POLQ: variants seen among roughly 807,000 people sequenced by gnomAD.
POLQ encodes the protein DNA polymerase theta.
POLQ carries 233 observed loss-of-function variants against 259.2 expected under a neutral mutation model. That is an observed-to-expected ratio of 0.90 (90% CI 0.81 to 1.00). The LOEUF (loss-of-function observed/expected upper bound fraction) is 1.00, where lower values mean the gene tolerates loss of function less well. POLQ is among the 50% of genes least tolerant of loss of function. The pLI is 0.00. For missense variants in POLQ, 2,871 were observed against 3,051.6 expected (o/e 0.94, Z 1.39); for synonymous variants, 1,025 against 1,048.8 (o/e 0.98, Z 0.44).
Position 121,532,893 on chromosome 3 carries a change from C to T in POLQ, c.960+97G>A, listed in dbSNP as rs910835000. 1.8e-5 allele frequency: 14 copies of T among 783,560 alleles called. No homozygotes were observed. The Admixed American group carries it at 3.3e-4, about 18-fold the overall frequency. The allele number at this position is 783,560 out of a possible 1,614,324, so 48.5% of individuals were successfully genotyped here. ...AATATTAATCCTAATGTATATGTAACTCCCAATTACATCATTCAGAATTTG... is the reference window on the plus strand; with the variant it reads ...AATATTAATCCTAATGTATATGTAATTCCCAATTACATCATTCAGAATTTG... On this transcript the variant is annotated intron_variant, in intron 6 of 29. Coordinates refer to ENST00000264233, the MANE Select transcript of POLQ (RefSeq NM_199420.4).
At position 121,511,907 on chromosome 3, in the gene POLQ, T is replaced by C. The variant is rs1364521395; in HGVS notation, c.1591A>G (p.Met531Val). Reference protein sequence around the residue: ...RREGEEVTGSMIRAILEIIVG... With the variant: ...RREGEEVTGSVIRAILEIIVG... Reference sequence around the variant, plus strand: ...CTTACCTCCAGAATAGCTCGTATCATGCTGCCAGTTACTTCTTCTCCTTCT... The same window carrying C: ...CTTACCTCCAGAATAGCTCGTATCACGCTGCCAGTTACTTCTTCTCCTTCT... Residue 531 changes from methionine to valine, a missense_variant, in exon 10 of 30, where the codon ATG (methionine) becomes GTG (valine). Met to Val is a conservative substitution (Grantham distance 21, BLOSUM62 1). Around this residue, in one of 3 missense-constraint regions of POLQ, gnomAD observed 783 missense variants for 906.2 expected, o/e 0.86. Coordinates refer to ENST00000264233, the MANE Select transcript of POLQ (RefSeq NM_199420.4). 3.1e-6 allele frequency: 5 copies of C among 1,613,776 alleles called. No individual in the cohort carries two copies. Among genetic ancestry groups the C allele is most frequent in the African/African-American group, 2.7e-5 (2 of 74,940 alleles).
chr3:121,468,278 A>C, intron 23 of POLQ, 27 bp downstream of exon 23: 1 of 1,578,758 alleles, frequency 6.3e-7, no homozygotes, highest in East Asian at 2.2e-5. Context: ...AAGTTTATTA[A>C]TACAGATACA....
chr3:121,530,679 T>A (rs182593513), intron 6 of POLQ, among the ~76,000 whole-genome samples: 5 of 152,304 alleles, frequency 3.3e-5, no homozygotes, highest in Admixed American at 3.3e-4. Context: ...GTGAATCCAC[T>A]GTGGTGGCCC....
chr3:121,529,882 G>A, intron 6 of POLQ, 90 bp from the exon 7 acceptor site: 1 of 942,842 alleles, frequency 1.1e-6, no homozygotes, highest in Non-Finnish European at 1.5e-6. Context: ...TTCTGGGGAA[G>A]CTTTTTCTTC....
intron 12 of POLQ, 71 bp from the exon 13 acceptor site, chr3:121,498,741 T>C: frequency 2.8e-6 from 3 of 1,056,084 alleles, no homozygotes; most frequent in Non-Finnish European, 4.1e-6. Flanking sequence ...ACAACCTTCA[T>C]ATTAAAGACA....
chr3:121,449,473 G>A (rs779269848), intron 25 of POLQ, 47 bp from the exon 26 acceptor site: 3 of 1,031,560 alleles, frequency 2.9e-6, no homozygotes. Flanking sequence ...TACATAAAAT[G>A]CAAATAAAAG....
At chr3:121,432,461 A>C (rs1411203969) in intron 29 of POLQ, 44 bp from the exon 30 acceptor site, 2 of 1,583,406 alleles carry the variant, frequency 1.3e-6, no homozygotes, top group African/African-American at 2.7e-5. Context: ...CCAGTCAAAG[A>C]ATGTTTCCCA....
chr3:121,490,989 T>G (rs1487212305), intron 15 of POLQ, among the ~76,000 whole-genome samples: 3 of 151,868 alleles, frequency 2.0e-5, no homozygotes, highest in African/African-American at 7.3e-5. Context: ...CAGGAGGCGT[T>G]ACAGTGAGAC....
chr3:121,508,772 C>T (rs2048230107), intron 12 of POLQ, among the ~76,000 whole-genome samples: 1 of 152,194 alleles, frequency 6.6e-6, no homozygotes, highest in African/African-American at 2.4e-5. Context: ...AAGCCCCCTT[C>T]ATTCTAATGA....
chr3:121,474,592 G>T (rs1292499392), intron 20 of POLQ, among the ~76,000 whole-genome samples: 1 of 152,168 alleles, frequency 6.6e-6, no homozygotes, highest in Non-Finnish European at 1.5e-5. Context: ...CACAAGTTGA[G>T]CCAGGGGTGG....
chr3:121,533,385 A>G (rs926298420), intron 5 of POLQ, among the ~76,000 whole-genome samples, 176 bp from the exon 6 acceptor site: 25 of 152,224 alleles, frequency 1.6e-4, no homozygotes, highest in Admixed American at 9.8e-4. Flanking sequence ...AAGATCTTCA[A>G]TTTTAGTAGA....
rs1288320990 is a variant in POLQ at position 121,529,761 on chromosome 3, T to C, written c.992A>G (p.Tyr331Cys). ...TGAATGGTTATCACAAATCGTCTCATAACATAAACTAACAACATGGTCCTC... is the reference window on the plus strand; with the variant it reads ...TGAATGGTTATCACAAATCGTCTCACAACATAAACTAACAACATGGTCCTC... ...GDEDHVVSLC[Y>C]ETICDNHSVL... Residue 331 changes from tyrosine (Y) to cysteine (C), a missense_variant, in exon 7 of 30, where the codon TAT becomes TGT. Coordinates refer to ENST00000264233, the MANE Select transcript of POLQ (RefSeq NM_199420.4). 6.2e-7 allele frequency: 1 copy of C among 1,611,860 alleles called. No individual in the cohort carries two copies. Among genetic ancestry groups the C allele is most frequent in the South Asian group, 1.1e-5 (1 of 90,880 alleles).
chr3:121,483,394 C>A lies in POLQ; in HGVS notation c.5962G>T (p.Asp1988Tyr). The change falls in exon 18 of 30, where the codon GAT (aspartate) becomes TAT (tyrosine). Residue 1988 changes from aspartate to tyrosine, a missense_variant. Physicochemically the swap from Asp to Tyr is radical, Grantham distance 160. Coordinates refer to ENST00000264233, the MANE Select transcript of POLQ (RefSeq NM_199420.4). ...CGISLEQSYE[D>Y]PKVACWLLDP... The stretch of plus-strand genomic sequence containing the variant: ...TAAATTAGACATAGAACCTTAGGAT[C>A]TTCATAACTTTGCTCCAAGGAGATG... 1 of 1,545,480 alleles carries A rather than the reference C, an allele frequency of 6.5e-7. No individual in the cohort carries two copies. The highest frequency in any genetic ancestry group is 2.3e-5 in the East Asian group (1 of 43,410).
At chr3:121,459,369 A>ATT (rs58859161) in intron 25 of POLQ, among the ~76,000 whole-genome samples, 17,607 of 104,528 alleles carry the variant, frequency 0.17, 2,159 homozygotes, top group Middle Eastern at 0.29. Context: ...GACTAGAAAG[A>ATT]TTTTTTTTTT....
chr3:121,484,983 T>G, intron 17 of POLQ, 58 bp downstream of exon 17: 1 of 1,226,312 alleles, frequency 8.2e-7, no homozygotes, highest in East Asian at 2.5e-5. Flanking sequence ...ATAAGATCAC[T>G]ACCCTAATGG....
At chr3:121,499,160 T>C (rs2048147212) in intron 12 of POLQ, among the ~76,000 whole-genome samples, 1 of 152,118 alleles carries the variant, frequency 6.6e-6, no homozygotes, top group South Asian at 2.1e-4. Flanking sequence ...CTAACTGTGA[T>C]AATACCTCAT....
chr3:121,458,152 G>A (rs34087026), intron 25 of POLQ, among the ~76,000 whole-genome samples: 195 of 151,986 alleles, frequency 1.3e-3, no homozygotes, highest in Non-Finnish European at 1.9e-3. Flanking sequence ...ACCAAACACC[G>A]CATGTTCTCA....
chr3:121,540,263 T>C (rs1435193632), intron 3 of POLQ, among the ~76,000 whole-genome samples: 1 of 152,120 alleles, frequency 6.6e-6, no homozygotes, highest in Non-Finnish European at 1.5e-5. Context: ...TTTTCCTGAG[T>C]GTTTACTAAG....
intron 26 of POLQ, among the ~76,000 whole-genome samples, chr3:121,442,328 T>C (rs2047599773): frequency 6.6e-6 from 1 of 152,216 alleles, no homozygotes; most frequent in Non-Finnish European, 1.5e-5. Context: ...TAGTCATCTT[T>C]AAATGTACAA....
Sources: gnomAD v4.1 joint callset for allele counts (sites outside exome capture counted in the v4.1 genomes callset) on GRCh38, gnomAD v4.1.1 for gene constraint, gnomAD v4.1.1 regional missense constraint, MANE v1.5 for transcripts, NCBI Gene and HGNC (gene_info 2026-07-23, HGNC 2026-07-21) for gene names.